ARL2: variants seen among roughly 807,000 people sequenced by gnomAD.
ARL2 encodes ADP-ribosylation factor-like protein 2.
In ARL2, 11 loss-of-function variants were observed where a neutral mutation model predicts 22.0. The observed-to-expected ratio is 0.50, with a 90% CI of 0.31 to 0.83. The LOEUF (loss-of-function observed/expected upper bound fraction) is 0.83, where lower values mean the gene tolerates loss of function less well. Among genes scored for constraint, ARL2 ranks in the 40% least tolerant of loss-of-function variants. The probability of loss-of-function intolerance (pLI) is 0.04; values close to 1 mark genes in which losing one functional copy is unlikely to be tolerated. For missense variants in ARL2, 216 were observed against 243.2 expected (o/e 0.89, Z 0.74); for synonymous variants, 111 against 100.8 (o/e 1.10, Z -0.61).
At position 65,018,066 on chromosome 11, in the gene ARL2, A is replaced by T. The variant is rs762624584; in HGVS notation, c.66-298A>T. Among the ~76,000 whole-genome samples, 21 of 152,108 alleles carry T rather than the reference A, an allele frequency of 1.4e-4. No homozygotes were observed. Among genetic ancestry groups the T allele is most frequent in the Non-Finnish European group, 2.9e-4 (20 of 68,016 alleles). ...GGGCCTTCTTTTCTCATTTGTTTGTACTTTATTGACTGTCTTCCCGCTAGA... is the reference window on the plus strand; with the variant it reads ...GGGCCTTCTTTTCTCATTTGTTTGTTCTTTATTGACTGTCTTCCCGCTAGA... On this transcript the variant is annotated intron_variant, in intron 1 of 4. Transcript: ENST00000246747. The surrounding 1 kb of genome is among the most constrained non-coding windows in gnomAD (Gnocchi z 4.2).
At chr11:65,020,713 A>G (rs953453123) in intron 4 of ARL2, among the ~76,000 whole-genome samples, 1 of 152,128 alleles carries the variant, frequency 6.6e-6, no homozygotes, top group African/African-American at 2.4e-5. Flanking sequence ...TACTAAAAAT[A>G]CAAAAATTAG....
intron 1 of ARL2, among the ~76,000 whole-genome samples, chr11:65,015,108 G>A (rs947932049): frequency 6.6e-6 from 1 of 151,288 alleles, no homozygotes; most frequent in Non-Finnish European, 1.5e-5. Context: ...TCCGGCCCAT[G>A]TCTGTTTTAT....
intron 1 of ARL2, among the ~76,000 whole-genome samples, chr11:65,017,383 A>G (rs536079279): frequency 6.6e-6 from 1 of 151,948 alleles, no homozygotes; most frequent in South Asian, 2.1e-4. Flanking sequence ...TTTAGTAGAG[A>G]TGGGGTTTCA....
At chr11:65,017,086 A>G (rs1240555340) in intron 1 of ARL2, among the ~76,000 whole-genome samples, 1 of 152,174 alleles carries the variant, frequency 6.6e-6, no homozygotes, top group African/African-American at 2.4e-5. Context: ...TTGAAAGAGC[A>G]AGAAGGCAGA....
rs553084517 is a variant in ARL2, at chr11:65,022,183, G to A, written c.*328G>A. ...TGTGAAATAAACCGCTCCTTGCCCC[G>A]ATTCCTGGCTGAGTCATTTGTTGAT... On this transcript the variant is annotated 3_prime_UTR_variant, in exon 5 of 5. Transcript: ENST00000246747. 9.2e-5 allele frequency: 29 copies of A among 314,864 alleles called. No homozygotes were observed. The highest frequency in any genetic ancestry group is 1.7e-4 in the African/African-American group (8 of 48,232). 19.5% of individuals were successfully genotyped at this position (314,864 alleles called of 1,614,324 possible).
At chr11:65,015,178 A>G (rs1462901442) in intron 1 of ARL2, among the ~76,000 whole-genome samples, 1 of 152,156 alleles carries the variant, frequency 6.6e-6, no homozygotes, top group African/African-American at 2.4e-5. Flanking sequence ...CAGTGGCACA[A>G]TCTCAGCTCG....
rs1163294174 is a variant in ARL2, at chr11:65,020,432, C to A, written c.353C>A (p.Ala118Glu). 4 of 1,613,076 alleles carry A rather than the reference C, an allele frequency of 2.5e-6. No homozygotes were observed. Among genetic ancestry groups the A allele is most frequent in the Non-Finnish European group, 3.4e-6 (4 of 1,179,598 alleles). ...TTTCTCCCCCAGCGCCTGGCCGGAG[C>A]AACCCTCCTCATCTTTGCTAATAAG... ...SLLVEERLAG[A>E]TLLIFANKQD... The change falls in exon 4 of 5, where the codon GCA (alanine) becomes GAA (glutamate). Residue 118 changes from alanine (A) to glutamate (E), a missense_variant. By Grantham distance (107) the Ala-to-Glu change is moderately radical. Transcript: ENST00000246747.
intron 1 of ARL2, among the ~76,000 whole-genome samples, chr11:65,017,043 C>T (rs1001300035): frequency 6.6e-6 from 1 of 152,074 alleles, no homozygotes; most frequent in African/African-American, 2.4e-5. Context: ...GTTTTGGCCA[C>T]AGCAGCAGCA....
In ARL2 at chr11:65,022,002, C is replaced by G. The variant is rs948841563; in HGVS notation, c.*147C>G. 8.3e-7 allele frequency: 1 copy of G among 1,211,160 alleles called. No individual in the cohort carries two copies. The highest frequency in any genetic ancestry group is 1.5e-5 in the African/African-American group (1 of 66,326). 75.0% of individuals were successfully genotyped at this position (1,211,160 alleles called of 1,614,324 possible). A position where few individuals can be genotyped will look rare whatever the true frequency, so the allele number is the denominator to read the frequency against. On this transcript the variant is annotated 3_prime_UTR_variant, in exon 5 of 5. Coordinates refer to ENST00000246747, the MANE Select transcript of ARL2 (RefSeq NM_001667.4). Reference sequence around the variant, plus strand: ...GCTGCTACTGCTGCCCGCTGCTGCTCTGTGGCCACCCGGCTCCCATGGCGG... The same window carrying G: ...GCTGCTACTGCTGCCCGCTGCTGCTGTGTGGCCACCCGGCTCCCATGGCGG...
Position 65,021,785 on chromosome 11 carries a change from G to T in ARL2, c.485G>T (p.Gly162Val). ...WCIQGCSAVT[G>V]ENLLPGIDWL... ...ATCCAGGGCTGCAGCGCCGTCACCG[G>T]GGAGAACCTGCTGCCGGGCATCGAC... is the stretch of plus-strand genomic sequence containing the variant. The change falls in exon 5 of 5, where the codon GGG (glycine) becomes GTG (valine). Residue 162 changes from glycine to valine, a missense_variant. Coordinates refer to ENST00000246747, the MANE Select transcript of ARL2 (RefSeq NM_001667.4). The T allele has an allele frequency of 1.2e-6, 2 of 1,613,274 alleles. No homozygotes were observed.
At chr11:65,015,998 G>A (rs1307727198) in intron 1 of ARL2, among the ~76,000 whole-genome samples, 1 of 152,078 alleles carries the variant, frequency 6.6e-6, no homozygotes, top group Non-Finnish European at 1.5e-5. Context: ...CTGATGTCAG[G>A]AGTTTTGAGA....
chr11:65,014,350 G>T lies in ARL2; in HGVS notation c.65+78G>T, dbSNP rs1946221965. On this transcript the variant is annotated intron_variant, in intron 1 of 4. Coordinates refer to ENST00000246747, the MANE Select transcript of ARL2 (RefSeq NM_001667.4). ...CGGTGCCGGGCGCCCCCTGTCGGGA[G>T]CGGAACGCGGCGGCCGGCGCGTCCC... 3.2e-6 allele frequency: 4 copies of T among 1,243,140 alleles called. No homozygotes were observed. In the Admixed American group the frequency reaches 1.4e-4, roughly 44 times the overall value. 77.0% of individuals were successfully genotyped at this position (1,243,140 alleles called of 1,614,324 possible).
intron 1 of ARL2, among the ~76,000 whole-genome samples, chr11:65,015,692 G>A (rs1175358969): frequency 1.3e-5 from 2 of 151,970 alleles, no homozygotes; most frequent in African/African-American, 4.8e-5. Flanking sequence ...AGGCTGAGGT[G>A]GGAGGTTCGC....
intron 1 of ARL2, among the ~76,000 whole-genome samples, chr11:65,015,461 C>T (rs1419094189): frequency 6.6e-6 from 1 of 152,224 alleles, no homozygotes; most frequent in Non-Finnish European, 1.5e-5. Context: ...ACAGTTCACT[C>T]ATTTGATAAA....
chr11:65,014,318 G>A, intron 1 of ARL2, 46 bp downstream of exon 1: 1 of 1,490,272 alleles, frequency 6.7e-7, no homozygotes, highest in Non-Finnish European at 8.9e-7. Flanking sequence ...GGGTCCAGCC[G>A]GGCAGGCGGT....
intron 4 of ARL2, 190 bp downstream of exon 4, chr11:65,020,689 T>C (rs372234403): frequency 2.2e-4 from 126 of 577,744 alleles, no homozygotes; most frequent in Middle Eastern, 1.9e-3. Flanking sequence ...ACCAACATGA[T>C]GAAACCCCGT....
At chr11:65,021,136 C>A (rs1358354607) in intron 4 of ARL2, among the ~76,000 whole-genome samples, 3 of 152,174 alleles carry the variant, frequency 2.0e-5, no homozygotes, top group Admixed American at 2.0e-4. Flanking sequence ...GAGGTGAGAA[C>A]TATTATTTTA....
chr11:65,020,394 C>T (rs373752729), intron 3 of ARL2, 25 bp from the exon 4 acceptor site: 26 of 1,588,598 alleles, frequency 1.6e-5, no homozygotes, highest in Middle Eastern at 3.3e-4. Context: ...GTCCCCACCC[C>T]ACCCCTCTAT....
chr11:65,017,709 G>A (rs1221370492), intron 1 of ARL2, among the ~76,000 whole-genome samples: 1 of 152,166 alleles, frequency 6.6e-6, no homozygotes, highest in African/African-American at 2.4e-5. Context: ...AGGGAAAGGT[G>A]GTCGAGTCCA....
Sources: allele counts gnomAD v4.1 joint callset (sites outside exome capture counted in the v4.1 genomes callset), GRCh38; gene constraint gnomAD v4.1.1; non-coding constraint Gnocchi (gnomAD v3.1); transcripts MANE v1.5; gene names NCBI Gene and HGNC (gene_info 2026-07-23, HGNC 2026-07-21).